Variants in MPPED2 observed in about 807,000 individuals in gnomAD.
MPPED2 encodes metallophosphoesterase MPPED2.
A neutral mutation model predicts 33.0 loss-of-function variants in MPPED2; 5 were observed. That is an observed-to-expected ratio of 0.15 (90% CI 0.08 to 0.32). The LOEUF (loss-of-function observed/expected upper bound fraction) is 0.32, where lower values mean the gene tolerates loss of function less well. Among genes scored for constraint, MPPED2 ranks in the 10% least tolerant of loss-of-function variants. MPPED2 has a pLI of 1.00. For synonymous variants in MPPED2, 136 were observed against 141.9 expected (o/e 0.96, Z 0.29); for missense variants, 275 against 372.1 (o/e 0.74, Z 2.15).
chr11:30,450,622 G>T (rs1950016101), intron 4 of MPPED2, among the ~76,000 whole-genome samples: 1 of 152,178 alleles, frequency 6.6e-6, no homozygotes, highest in South Asian at 2.1e-4. Context: ...ACTCCTAGGT[G>T]CTTCTAAACA....
At chr11:30,507,234 C>A (rs1952879630) in intron 3 of MPPED2, among the ~76,000 whole-genome samples, 1 of 152,208 alleles carries the variant, frequency 6.6e-6, no homozygotes, top group Non-Finnish European at 1.5e-5. Context: ...CAAACAAACT[C>A]CATTTTCTTC....
At chr11:30,479,469 A>G (rs1053325351) in intron 4 of MPPED2, among the ~76,000 whole-genome samples, 1 of 152,116 alleles carries the variant, frequency 6.6e-6, no homozygotes, top group Admixed American at 6.6e-5. Flanking sequence ...AAACAATAAC[A>G]CTGAAAAGTA....
At chr11:30,540,931 A>C (rs1173956704) in intron 2 of MPPED2, among the ~76,000 whole-genome samples, 2 of 152,208 alleles carry the variant, frequency 1.3e-5, no homozygotes, top group East Asian at 3.8e-4. Flanking sequence ...TGTCCTCAGA[A>C]GGCTATTTCC....
chr11:30,485,483 T>TGTAACA (rs1951702318), intron 4 of MPPED2, among the ~76,000 whole-genome samples: 2 of 150,340 alleles, frequency 1.3e-5, no homozygotes, highest in Non-Finnish European at 3.0e-5. Context: ...GGTAAATAAG[T>TGTAACA]TCTAAATAAT....
chr11:30,390,896 T>C (rs1387488124), intron 6 of MPPED2, among the ~76,000 whole-genome samples: 2 of 152,110 alleles, frequency 1.3e-5, no homozygotes, highest in African/African-American at 4.8e-5. Flanking sequence ...ACCAGTTTCT[T>C]TGTATGGTGG....
chr11:30,516,712 T>C (rs1953553689), intron 3 of MPPED2, among the ~76,000 whole-genome samples: 1 of 152,218 alleles, frequency 6.6e-6, no homozygotes, highest in African/African-American at 2.4e-5. Context: ...TGTAGATAAG[T>C]GCTAATGCTG....
chr11:30,413,847 A>G (rs1948222189), intron 6 of MPPED2, among the ~76,000 whole-genome samples: 1 of 152,212 alleles, frequency 6.6e-6, no homozygotes, highest in African/African-American at 2.4e-5. Flanking sequence ...GAGGCTTAAA[A>G]TAGCTTCTAA....
At chr11:30,566,623 T>A (rs922872325) in intron 2 of MPPED2, among the ~76,000 whole-genome samples, 1 of 152,226 alleles carries the variant, frequency 6.6e-6, no homozygotes, top group African/African-American at 2.4e-5. Flanking sequence ...ACATGTTAAT[T>A]CCTCGAATCC....
At chr11:30,586,437 G>A (rs916698592), upstream of MPPED2, among the ~76,000 whole-genome samples, 1 of 152,052 alleles carries the variant, frequency 6.6e-6, no homozygotes, top group Non-Finnish European at 1.5e-5. The surrounding 1 kb of genome is among the most constrained non-coding windows in gnomAD (Gnocchi z 4.8). Context: ...GCTCCCCGGC[G>A]GGACCCCGCG....
chr11:30,426,872 G>C (rs1459412194), intron 4 of MPPED2, among the ~76,000 whole-genome samples: 1 of 152,070 alleles, frequency 6.6e-6, no homozygotes, highest in Non-Finnish European at 1.5e-5. Flanking sequence ...AGGTCCTTCC[G>C]TTTCCTCCTA....
chr11:30,537,118 G>A (rs1212937245), intron 2 of MPPED2, among the ~76,000 whole-genome samples: 3 of 152,088 alleles, frequency 2.0e-5, no homozygotes, highest in East Asian at 3.9e-4. Context: ...AATAAACTTG[G>A]TAAAGGAATG....
downstream of MPPED2, among the ~76,000 whole-genome samples, chr11:30,407,879 GTAAATAAA>G (rs554823185): frequency 1.3e-5 from 2 of 151,794 alleles, no homozygotes; most frequent in African/African-American, 2.4e-5. Flanking sequence ...AAATAAATAA[GTAAATAAA>G]TAAATAAATA....
chr11:30,585,585 A>C (rs1026386356), intron 1 of MPPED2, among the ~76,000 whole-genome samples: 1 of 151,024 alleles, frequency 6.6e-6, no homozygotes, highest in African/African-American at 2.4e-5. Context: ...CCTCGTCCCC[A>C]CCCCCATCCC....
intron 4 of MPPED2, among the ~76,000 whole-genome samples, chr11:30,451,170 G>C (rs1417791874): frequency 6.6e-6 from 1 of 152,138 alleles, no homozygotes; most frequent in African/African-American, 2.4e-5. Flanking sequence ...ATGAGGATGG[G>C]GACTTTGACT....
chr11:30,399,037 C>T (rs573434), intron 6 of MPPED2, among the ~76,000 whole-genome samples: 9,267 of 152,136 alleles, frequency 0.061, 369 homozygotes, highest in Non-Finnish European at 0.094. Context: ...TATACCCTGG[C>T]GGCCAGCTCT....
intron 5 of MPPED2, among the ~76,000 whole-genome samples, chr11:30,416,696 G>T (rs1408096504): frequency 1.3e-5 from 2 of 152,140 alleles, no homozygotes; most frequent in Non-Finnish European, 2.9e-5. Flanking sequence ...AAATCGAACA[G>T]TCTTCTATTA....
chr11:30,486,052 C>T (rs1392781967), intron 4 of MPPED2, among the ~76,000 whole-genome samples: 1 of 152,170 alleles, frequency 6.6e-6, no homozygotes, highest in African/African-American at 2.4e-5. Context: ...AAGGAGCAAC[C>T]TCATCTCTCC....
At chr11:30,461,173 A>G (rs1259215371) in intron 4 of MPPED2, among the ~76,000 whole-genome samples, 2 of 152,184 alleles carry the variant, frequency 1.3e-5, no homozygotes, top group South Asian at 4.1e-4. Context: ...TCAAGTTCGT[A>G]TAGACGGAAG....
chr11:30,463,337 T>C (rs536761418), intron 4 of MPPED2, among the ~76,000 whole-genome samples: 147 of 152,356 alleles, frequency 9.6e-4, no homozygotes, highest in African/African-American at 3.3e-3. Context: ...TGGTTTCCTA[T>C]ACTCATTCCT....
Sources: gnomAD v4.1 joint callset for allele counts (sites outside exome capture counted in the v4.1 genomes callset) on GRCh38, gnomAD v4.1.1 for gene constraint, Gnocchi (gnomAD v3.1) non-coding constraint, MANE v1.5 for transcripts, NCBI Gene and HGNC (gene_info 2026-07-23, HGNC 2026-07-21) for gene names.